Variants in COL18A1 observed in about 807,000 individuals in gnomAD.
The protein encoded by COL18A1 is collagen alpha-1(XVIII) chain.
A neutral mutation model predicts 168.0 loss-of-function variants in COL18A1; 133 were observed. The observed-to-expected ratio is 0.79, with a 90% CI of 0.69 to 0.91. COL18A1 has a LOEUF of 0.91. COL18A1 is among the 40% of genes least tolerant of loss of function. The pLI is 0.00. For synonymous variants in COL18A1, 949 were observed against 809.0 expected (o/e 1.17, Z -2.94); for missense variants, 2,126 against 1,925.4 (o/e 1.10, Z -1.95).
chr21:45,481,700 G>A (rs888181231), intron 13 of COL18A1, among the ~76,000 whole-genome samples: 10 of 152,222 alleles, frequency 6.6e-5, no homozygotes, highest in Non-Finnish European at 1.5e-4. Flanking sequence ...AGGGAGCAGC[G>A]GCTACCCCAG....
chr21:45,411,769 G>C (rs1030875524), intron 2 of COL18A1, among the ~76,000 whole-genome samples: 8 of 137,302 alleles, frequency 5.8e-5, no homozygotes, highest in Admixed American at 1.4e-4. Flanking sequence ...CGGGGGGTGG[G>C]GGGGGGGCAG....
rs1450768599 is a variant in COL18A1 at position 45,443,040 on chromosome 21, G to A, written c.107-25202G>A. 7.0e-6 allele frequency among the ~76,000 whole-genome samples: 1 copy of A among 143,458 alleles called. No homozygotes were observed. Among genetic ancestry groups the A allele is most frequent in the East Asian group, 2.0e-4 (1 of 5,032 alleles). The allele number at this position is 143,458 out of a possible 152,430, so 94.1% of individuals were successfully genotyped here. A position where few individuals can be genotyped will look rare whatever the true frequency, so the allele number is the denominator to read the frequency against. On this transcript the variant is annotated intron_variant, in intron 2 of 41. Transcript: ENST00000651438. This position sits in a 1 kb window ranked among gnomAD's most constrained non-coding sequence, Gnocchi z 5.2. ...GGGTGGTGGTGGTGCTGATGTGGGC[G>A]GCGGTGCTGGTGTGGGCGGTGGTGG...
chr21:45,419,302 C>T (rs144241437), intron 2 of COL18A1, among the ~76,000 whole-genome samples: 33 of 151,576 alleles, frequency 2.2e-4, no homozygotes, highest in African/African-American at 6.3e-4. Context: ...GACGTGATGC[C>T]GTGTAGTGAC....
At position 45,477,835 on chromosome 21, in the gene COL18A1, G is replaced by GT. The variant is rs2035733511; in HGVS notation, c.1092dup (p.Pro365SerfsTer48). 6.4e-7 allele frequency: 1 copy of GT among 1,552,794 alleles called. No homozygotes were observed. Among genetic ancestry groups the GT allele is most frequent in the Admixed American group, 2.0e-5 (1 of 51,222 alleles). ...CCCCCAGGATCCCCATGCCTACCTG[G>GT]TCCCCCGGGTCTCCCGTGCCCAGTG... On this transcript the variant is annotated frameshift_variant, in exon 8 of 42. Coordinates refer to ENST00000651438, the MANE Select transcript of COL18A1 (RefSeq NM_001379500.1). LOFTEE classifies it high-confidence loss of function.
intron 2 of COL18A1, among the ~76,000 whole-genome samples, chr21:45,448,808 G>A (rs186073947): frequency 1.5e-3 from 224 of 152,358 alleles, no homozygotes; most frequent in African/African-American, 4.4e-3. Context: ...CAGGGACCAC[G>A]TGTTGCATTA....
intron 28 of COL18A1, 106 bp downstream of exon 28, chr21:45,495,021 G>A (rs995101524): frequency 5.7e-5 from 56 of 987,846 alleles, no homozygotes; most frequent in Middle Eastern, 2.9e-4. Flanking sequence ...GACGGCCGCC[G>A]CACCCACTGT....
intron 2 of COL18A1, among the ~76,000 whole-genome samples, chr21:45,406,483 T>C (rs1423161102): frequency 6.6e-6 from 1 of 152,240 alleles, no homozygotes; most frequent in African/African-American, 2.4e-5. Flanking sequence ...TATAAGTAGA[T>C]GTATTGAAAA....
intron 32 of COL18A1, among the ~76,000 whole-genome samples, chr21:45,501,602 A>G (rs1051645950): frequency 2.0e-5 from 3 of 152,138 alleles, no homozygotes; most frequent in Admixed American, 2.0e-4. Flanking sequence ...CTCACACTGC[A>G]GCCGCAGGGG....
In COL18A1 at chr21:45,437,142, ACACACT is replaced by A. The variant is rs1456489646; in HGVS notation, c.107-31091_107-31086del. ...ACACAGACACACAGGCACTCTCCAC[ACACACT>A]CACACTCAGACACAGGCACTCTCCT... On this transcript the variant is annotated intron_variant, in intron 2 of 41. Coordinates refer to ENST00000651438, the MANE Select transcript of COL18A1 (RefSeq NM_001379500.1). Among the ~76,000 whole-genome samples the A allele has an allele frequency of 8.6e-5, 7 of 81,022 alleles. 1 individual carries two copies. Among genetic ancestry groups the A allele is most frequent in the Non-Finnish European group, 1.6e-4 (7 of 43,258 alleles). The allele number at this position is 81,022 out of a possible 152,430, so 53.2% of individuals were successfully genotyped here.
chr21:45,429,950 C>T (rs2033907542), intron 2 of COL18A1, among the ~76,000 whole-genome samples: 1 of 151,628 alleles, frequency 6.6e-6, no homozygotes, highest in Admixed American at 6.6e-5. Flanking sequence ...TGGGGACCCC[C>T]CGTCTCCCTA....
chr21:45,487,588 C>T (rs1056857274), intron 17 of COL18A1, 79 bp downstream of exon 17: 2 of 1,575,452 alleles, frequency 1.3e-6, no homozygotes, highest in Non-Finnish European at 1.7e-6. Context: ...CCCTGAGAGC[C>T]ACCGGCCTTG....
chr21:45,483,842 C>G (rs930405062), intron 15 of COL18A1, among the ~76,000 whole-genome samples: 2 of 152,152 alleles, frequency 1.3e-5, no homozygotes, highest in South Asian at 2.1e-4. Context: ...AGGACATGGG[C>G]TGGGAGTGAA....
intron 2 of COL18A1, among the ~76,000 whole-genome samples, chr21:45,430,428 C>G (rs1015549992): frequency 3.9e-5 from 6 of 152,138 alleles, no homozygotes; most frequent in Non-Finnish European, 7.4e-5. Flanking sequence ...AGGGGCCTGC[C>G]TGCCACCCGG....
intron 2 of COL18A1, among the ~76,000 whole-genome samples, chr21:45,434,812 G>A (rs1024947989): frequency 1.3e-5 from 2 of 152,240 alleles, no homozygotes; most frequent in African/African-American, 4.8e-5. Flanking sequence ...CGGGCTTCCC[G>A]GAAAGGGGCA....
At chr21:45,494,190 C>A (rs563135373) in intron 26 of COL18A1, 60 of 474,630 alleles carry the variant, frequency 1.3e-4, no homozygotes, top group Non-Finnish European at 1.7e-4. Context: ...ACTATCCCAC[C>A]CAGCTGTGCA....
chr21:45,469,145 C>T (rs965202588), intron 3 of COL18A1, among the ~76,000 whole-genome samples: 2 of 152,212 alleles, frequency 1.3e-5, no homozygotes, highest in Admixed American at 6.5e-5. Context: ...CCACCCCAGC[C>T]GTGACCCCGT....
At chr21:45,450,646 AG>A (rs1328476271) in intron 2 of COL18A1, among the ~76,000 whole-genome samples, 1 of 152,200 alleles carries the variant, frequency 6.6e-6, no homozygotes, top group Non-Finnish European at 1.5e-5. Context: ...GGCAGGGCGG[AG>A]ACAGTGGGAG....
At chr21:45,495,892 A>G in intron 29 of COL18A1, 1 of 316,914 alleles carries the variant, frequency 3.2e-6, no homozygotes, top group Non-Finnish European at 6.2e-6. Flanking sequence ...CACATACATG[A>G]CTATGAGCCC....
At chr21:45,478,652 C>T (rs867607846) in intron 9 of COL18A1, among the ~76,000 whole-genome samples, 3 of 140,448 alleles carry the variant, frequency 2.1e-5, no homozygotes, top group African/African-American at 5.3e-5. Context: ...AAAAGGAAGT[C>T]GGGCGGGGCA....
Sources: allele counts gnomAD v4.1 joint callset (sites outside exome capture counted in the v4.1 genomes callset), GRCh38; gene constraint gnomAD v4.1.1; non-coding constraint Gnocchi (gnomAD v3.1); transcripts MANE v1.5; gene names NCBI Gene and HGNC (gene_info 2026-07-23, HGNC 2026-07-21).